ADGRG4: variants seen among roughly 807,000 people sequenced by gnomAD.
ADGRG4 encodes the protein G protein-coupled receptor 112.
In ADGRG4, 122 loss-of-function variants were observed where a neutral mutation model predicts 126.2. That is an observed-to-expected ratio of 0.97 (90% CI 0.83 to 1.12). The LOEUF is 1.12. Among genes scored for constraint, ADGRG4 ranks in the 50% most tolerant of loss-of-function variants. The pLI, the probability that ADGRG4 is intolerant of heterozygous loss-of-function variation, is 0.00. For missense variants in ADGRG4, 2,481 were observed against 2,251.8 expected (o/e 1.10, Z -2.06); for synonymous variants, 943 against 838.7 (o/e 1.12, Z -2.15).
chrX:136,348,247 C>A lies in ADGRG4; in HGVS notation c.4541C>A (p.Ser1514Tyr), dbSNP rs2075033406. 1.7e-6 allele frequency: 2 copies of A among 1,210,663 alleles called. No individual in the cohort carries two copies. The highest frequency in any genetic ancestry group is 2.2e-6 in the Non-Finnish European group (2 of 894,701). ...MATSTPIYQM[S>Y]SLPVNVTAFT... is the part of the protein sequence containing the mutation. ...ACGTCCACTCCTATTTACCAGATGTCCTCATTGCCAGTTAATGTAACTGCC... is the reference window on the plus strand; with the variant it reads ...ACGTCCACTCCTATTTACCAGATGTACTCATTGCCAGTTAATGTAACTGCC... Residue 1514 changes from serine (S) to tyrosine (Y), a missense_variant, in exon 6 of 26, where the codon TCC (serine) becomes TAC (tyrosine). Transcript: ENST00000394143.
At chrX:136,330,964 T>C (rs772708001) in intron 5 of ADGRG4, among the ~76,000 whole-genome samples, 78 of 110,811 alleles carry the variant, frequency 7.0e-4, no homozygotes, top group African/African-American at 2.4e-3. Context: ...TTTGTTCACA[T>C]TAATCCCCTC....
intron 14 of ADGRG4, among the ~76,000 whole-genome samples, chrX:136,371,869 T>C (rs2075196819): frequency 1.8e-5 from 2 of 111,607 alleles, no homozygotes; most frequent in South Asian, 3.7e-4. Flanking sequence ...CATCCGTGGA[T>C]TTTTGTATTC....
chrX:136,377,138 A>T (rs2075231141), intron 15 of ADGRG4, among the ~76,000 whole-genome samples: 1 of 97,012 alleles, frequency 1.0e-5, no homozygotes, highest in Non-Finnish European at 2.1e-5. Context: ...TCTTTCAATG[A>T]GCAGTTTTTC....
At chrX:136,399,806 A>T in intron 20 of ADGRG4, 42 bp from the exon 21 acceptor site, 1 of 1,132,547 alleles carries the variant, frequency 8.8e-7, no homozygotes, top group Non-Finnish European at 1.2e-6. Context: ...TTAAAAAAAA[A>T]AAAACAGACT....
At chrX:136,350,697 C>G (rs2075056820) in intron 6 of ADGRG4, among the ~76,000 whole-genome samples, 1 of 111,771 alleles carries the variant, frequency 8.9e-6, no homozygotes, top group Non-Finnish European at 1.9e-5. Flanking sequence ...CTACTTTCCA[C>G]CTGTTTTGTT....
intron 1 of ADGRG4, among the ~76,000 whole-genome samples, chrX:136,302,895 A>G (rs1210526379): frequency 8.9e-6 from 1 of 111,913 alleles, no homozygotes; most frequent in Non-Finnish European, 1.9e-5. Context: ...CATCATCATC[A>G]TTTCCATGTT....
chrX:136,382,408 T>C (rs890861982), intron 15 of ADGRG4, among the ~76,000 whole-genome samples: 11 of 112,386 alleles, frequency 9.8e-5, no homozygotes, highest in African/African-American at 3.6e-4. Flanking sequence ...GGAGGAAATA[T>C]TCATGACAAT....
At chrX:136,315,385 C>T (rs1472625372) in intron 4 of ADGRG4, among the ~76,000 whole-genome samples, 1 of 111,023 alleles carries the variant, frequency 9.0e-6, no homozygotes, top group South Asian at 3.8e-4. Context: ...CCAGAAGACT[C>T]CCTCCTCAAG....
chrX:136,383,863 TTTCTTTCTTTC>T (rs1431544179), intron 15 of ADGRG4, among the ~76,000 whole-genome samples: 3 of 100,178 alleles, frequency 3.0e-5, no homozygotes, highest in African/African-American at 1.1e-4. Context: ...TCTTTCTTTC[TTTCTTTCTTTC>T]TTCTTTCTTC....
chrX:136,333,522 T>G (rs1459616244), intron 5 of ADGRG4, among the ~76,000 whole-genome samples: 1 of 111,800 alleles, frequency 8.9e-6, no homozygotes, highest in African/African-American at 3.3e-5. Flanking sequence ...GTTTATTTAT[T>G]TATTTATTTA....
intron 4 of ADGRG4, among the ~76,000 whole-genome samples, chrX:136,317,035 A>G (rs1038692699): frequency 9.0e-6 from 1 of 111,717 alleles, no homozygotes; most frequent in Non-Finnish European, 1.9e-5. Context: ...ACAGCTACAA[A>G]GGACCTACTC....
chrX:136,377,842 GT>G (rs80099479), intron 15 of ADGRG4, among the ~76,000 whole-genome samples: 157 of 96,227 alleles, frequency 1.6e-3, no homozygotes, highest in East Asian at 9.9e-3. Flanking sequence ...TTCCTATACT[GT>G]TTTTTTTTTT....
In ADGRG4 at chrX:136,387,805, G is replaced by A. The variant is rs1400736445; in HGVS notation, c.7842G>A (p.Thr2614=). The A allele has an allele frequency of 8.3e-6, 10 of 1,203,547 alleles. No individual in the cohort carries two copies. The highest frequency in any genetic ancestry group is 2.2e-5 in the Admixed American group (1 of 45,948). Residue 2614 remains threonine, a synonymous_variant, in exon 16 of 26, where the codon ACG becomes ACA. Transcript: ENST00000394143. The part of the protein sequence containing the change: ...LASIYLPKSL[T]ERIPLSNLQT... The stretch of plus-strand genomic sequence containing the variant: ...CCATATATTTGCCTAAATCACTGAC[G>A]GAGAGAATTCCTCTTAGCAACTTAC...
chrX:136,363,536 A>C lies in ADGRG4; in HGVS notation c.7337A>C (p.Lys2446Thr), dbSNP rs2075140700. 7.5e-6 allele frequency: 9 copies of C among 1,200,899 alleles called. No homozygotes were observed. In the South Asian group the frequency reaches 1.2e-4, roughly 17 times the overall value. The change falls in exon 13 of 26, where the codon AAA (lysine) becomes ACA (threonine). Residue 2446 changes from lysine (K) to threonine (T), a missense_variant. Transcript: ENST00000394143. The stretch of plus-strand genomic sequence containing the variant: ...GAAAAGCCAAAGTTTAAACAATGCA[A>C]ATTGCTTCAAGAACTTCCTGACAAG... ...QWEKPKFKQCKLLQELPDKIV... is the reference protein window; with the variant it reads ...QWEKPKFKQCTLLQELPDKIV...
At chrX:136,415,349 T>G (rs780318595) in intron 25 of ADGRG4, among the ~76,000 whole-genome samples, 6 of 112,061 alleles carry the variant, frequency 5.4e-5, no homozygotes, top group Non-Finnish European at 7.5e-5. Flanking sequence ...GTTCCAGCTC[T>G]GTCAGTCACT....
rs763907204 is a variant in ADGRG4 at position 136,323,290 on chromosome X, G to C, written c.583G>C (p.Glu195Gln). The change falls in exon 5 of 26, where the codon GAA (glutamate) becomes CAA (glutamine). Residue 195 changes from glutamate (E) to glutamine (Q), a missense_variant. By Grantham distance (29) the Glu-to-Gln change is conservative. Coordinates refer to ENST00000394143, the MANE Select transcript of ADGRG4 (RefSeq NM_153834.4). ...ACTCTGGGACCACATCCTGGAAAAC[G>C]AAGAGTTTATGAAGTGTTTAGATGG... ...FQLWDHILENEEFMKCLDGNI... is the reference protein window; with the variant it reads ...FQLWDHILENQEFMKCLDGNI... The C allele has an allele frequency of 7.4e-6, 9 of 1,208,824 alleles. No individual in the cohort carries two copies. The highest frequency in any genetic ancestry group is 1.0e-5 in the Non-Finnish European group (9 of 894,782).
chrX:136,388,995 T>A (rs1243853392), intron 16 of ADGRG4, among the ~76,000 whole-genome samples: 1 of 112,220 alleles, frequency 8.9e-6, no homozygotes, highest in Non-Finnish European at 1.9e-5. Context: ...TATCCACATT[T>A]CTTTTGTGGG....
intron 4 of ADGRG4, among the ~76,000 whole-genome samples, chrX:136,314,022 C>T (rs7887165): frequency 3.7e-4 from 41 of 111,656 alleles, no homozygotes; most frequent in African/African-American, 1.3e-3. Context: ...CACATCTAAT[C>T]CATTGAGTCT....
In ADGRG4 at chrX:136,363,485, G is replaced by C. The variant is rs1369834284; in HGVS notation, c.7286G>C (p.Ser2429Thr). The change falls in exon 13 of 26, where the codon AGC becomes ACC. Residue 2429 changes from serine to threonine, a missense_variant. Coordinates refer to ENST00000394143, the MANE Select transcript of ADGRG4 (RefSeq NM_153834.4). ...DGNATRFCSI[S>T]INTGKSQWEK... The stretch of plus-strand genomic sequence containing the variant: ...TTTCCTCTCTTTTTCAGTTCAATCA[G>C]CATCAACACGGGCAAATCTCAGTGG... 2 of 1,170,339 alleles carry C rather than the reference G, an allele frequency of 1.7e-6. No individual in the cohort carries two copies. The highest frequency in any genetic ancestry group is 3.6e-5 in the South Asian group (2 of 56,000).
Sources: allele counts gnomAD v4.1 joint callset (sites outside exome capture counted in the v4.1 genomes callset), GRCh38; gene constraint gnomAD v4.1.1; transcripts MANE v1.5; gene names NCBI Gene and HGNC (gene_info 2026-07-23, HGNC 2026-07-21).